The following LRRFIP2 variants were observed in gnomAD, a reference collection of about 807,000 sequenced individuals.
LRRFIP2 encodes leucine-rich repeat flightless-interacting protein 2.
In LRRFIP2, 109 loss-of-function variants were observed where a neutral mutation model predicts 125.9. The observed-to-expected ratio is 0.87, with a 90% CI of 0.74 to 1.01. The LOEUF (loss-of-function observed/expected upper bound fraction) is 1.01, where lower values mean the gene tolerates loss of function less well. Among genes scored for constraint, LRRFIP2 ranks in the 50% least tolerant of loss-of-function variants. The pLI, the probability that LRRFIP2 is intolerant of heterozygous loss-of-function variation, is 0.00. For missense variants in LRRFIP2, 850 were observed against 862.3 expected, an observed-to-expected ratio of 0.99 and a Z score of 0.18; for synonymous variants, 291 against 293.1, an observed-to-expected ratio of 0.99 and a Z score of 0.07.
intron 18 of LRRFIP2, 78 bp from the exon 19 acceptor site, chr3:37,083,884 C>T (rs892598712): frequency 2.3e-5 from 24 of 1,062,788 alleles, no homozygotes; most frequent in Admixed American, 5.7e-5. Flanking sequence ...AATTATAGCA[C>T]TGCCACAAAC....
Position 37,154,356 on chromosome 3 carries a change from GAAACCTTAAATA to G in LRRFIP2, c.-55-5330_-55-5319del, listed in dbSNP as rs2096122473. Among the ~76,000 whole-genome samples the G allele has an allele frequency of 2.0e-5, 3 of 152,266 alleles. No individual in the cohort carries two copies. The South Asian group carries it at 6.2e-4, about 32-fold the overall frequency. On this transcript the variant is annotated intron_variant, in intron 1 of 27. Coordinates refer to ENST00000336686, the MANE Select transcript of LRRFIP2 (RefSeq NM_006309.4). ...CAAAACTGAGAATGTAGACTCAAAG[GAAACCTTAAATA>G]ATTTTGTTTCTGATCCTAAAGGACT... is the stretch of plus-strand genomic sequence containing the variant.
intron 4 of LRRFIP2, 49 bp downstream of exon 4, chr3:37,127,581 T>C: frequency 6.3e-7 from 1 of 1,580,494 alleles, no homozygotes; most frequent in Non-Finnish European, 8.7e-7. Flanking sequence ...CAAGACTGCA[T>C]TATTTCAGCA....
intron 2 of LRRFIP2, among the ~76,000 whole-genome samples, chr3:37,130,985 G>A (rs910922388): frequency 5.9e-5 from 9 of 152,146 alleles, no homozygotes; most frequent in African/African-American, 1.9e-4. Context: ...CACCTCAAAC[G>A]GCAAAAGTTA....
rs145137143 is a variant in LRRFIP2, at chr3:37,136,057, C to T, written c.91-6908G>A. ...ACCCAAATATCCATCAACTGATGAA[C>T]GAATAAACCAGCGAGATTATCCATA... On this transcript the variant is annotated intron_variant, in intron 2 of 27. Transcript: ENST00000336686. Among the ~76,000 whole-genome samples, 6 of 152,208 alleles carry T rather than the reference C, an allele frequency of 3.9e-5. No individual in the cohort carries two copies. In the East Asian group the frequency reaches 9.6e-4, roughly 24 times the overall value.
intron 15 of LRRFIP2, among the ~76,000 whole-genome samples, chr3:37,098,970 T>A (rs1266922654): frequency 6.6e-6 from 1 of 152,168 alleles, no homozygotes; most frequent in Non-Finnish European, 1.5e-5. Flanking sequence ...ACCTCCAAAA[T>A]CATCCAGTTT....
chr3:37,126,032 T>TTG (rs2095260677), intron 4 of LRRFIP2, among the ~76,000 whole-genome samples: 1 of 128,042 alleles, frequency 7.8e-6, no homozygotes, highest in African/African-American at 2.8e-5. Context: ...GTTGTTGTTG[T>TTG]TTGTTTGTTT....
At chr3:37,096,549 A>G in intron 16 of LRRFIP2, 67 bp downstream of exon 16, 1 of 969,036 alleles carries the variant, frequency 1.0e-6, no homozygotes, top group Admixed American at 2.1e-5. Context: ...AAAATAAATA[A>G]TGAACAAGTT....
chr3:37,113,051 T>C, intron 7 of LRRFIP2, 71 bp from the exon 8 acceptor site: 1 of 830,596 alleles, frequency 1.2e-6, no homozygotes, highest in Non-Finnish European at 2.0e-6. Context: ...AAATTCATCT[T>C]CAAATTATAT....
intron 6 of LRRFIP2, among the ~76,000 whole-genome samples, chr3:37,116,678 T>C (rs1016326683): frequency 6.6e-6 from 1 of 152,142 alleles, no homozygotes; most frequent in Admixed American, 6.6e-5. Flanking sequence ...AATCAAAGTA[T>C]ATAATCTAGT....
chr3:37,137,528 T>C (rs912595813), intron 2 of LRRFIP2, among the ~76,000 whole-genome samples: 1 of 152,200 alleles, frequency 6.6e-6, no homozygotes, highest in Non-Finnish European at 1.5e-5. Flanking sequence ...GATTCTCTCT[T>C]TTCTATGAAA....
At chr3:37,099,215 G>T (rs890953810) in intron 15 of LRRFIP2, among the ~76,000 whole-genome samples, 19 of 152,034 alleles carry the variant, frequency 1.2e-4, no homozygotes, top group African/African-American at 4.1e-4. Flanking sequence ...TCACTTCTTA[G>T]ACTTGTACTA....
chr3:37,075,097 T>C lies in LRRFIP2; in HGVS notation c.1298A>G (p.His433Arg). The C allele has an allele frequency of 6.2e-7, 1 of 1,611,532 alleles. No homozygotes were observed. The highest frequency in any genetic ancestry group is 1.1e-5 in the South Asian group (1 of 91,062). ...CTTATGCTGCAGCACACTACACATATGTTTCTGCCTTTCTAACTCCTGTTA... is the reference window on the plus strand; with the variant it reads ...CTTATGCTGCAGCACACTACACATACGTTTCTGCCTTTCTAACTCCTGTTA... Reference protein sequence around the residue: ...EKSKELERQKHMCSVLQHKME... With the variant: ...EKSKELERQKRMCSVLQHKME... Residue 433 changes from histidine (H) to arginine (R), a missense_variant, in exon 20 of 28, where the codon CAT (histidine) becomes CGT (arginine). By Grantham distance (29) the His-to-Arg change is conservative. Coordinates refer to ENST00000336686, the MANE Select transcript of LRRFIP2 (RefSeq NM_006309.4).
At chr3:37,149,449 G>T (rs569444022) in intron 1 of LRRFIP2, among the ~76,000 whole-genome samples, 2 of 151,984 alleles carry the variant, frequency 1.3e-5, no homozygotes, top group African/African-American at 4.8e-5. Flanking sequence ...CCTAGGAGGC[G>T]GAGGTTGTAG....
intron 6 of LRRFIP2, 77 bp downstream of exon 6, chr3:37,121,415 T>C: frequency 7.5e-7 from 1 of 1,338,766 alleles, no homozygotes; most frequent in Non-Finnish European, 1.1e-6. Flanking sequence ...AGGAACATTG[T>C]CAGATTGTTT....
intron 2 of LRRFIP2, among the ~76,000 whole-genome samples, chr3:37,144,587 A>G (rs983050829): frequency 1.3e-5 from 2 of 152,204 alleles, no homozygotes. Context: ...AACAAAACAA[A>G]ACAAAATACT....
At chr3:37,152,147 AAAT>A (rs2096050536) in intron 1 of LRRFIP2, among the ~76,000 whole-genome samples, 1 of 152,252 alleles carries the variant, frequency 6.6e-6, no homozygotes, top group African/African-American at 2.4e-5. Context: ...AAAATGAATG[AAAT>A]AATGTCTCTT....
Position 37,108,114 on chromosome 3 carries a change from A to G in LRRFIP2, c.673T>C (p.Tyr225His), listed in dbSNP as rs1177796869. Residue 225 changes from tyrosine to histidine, a missense_variant, in exon 13 of 28, where the codon TAT (tyrosine) becomes CAT (histidine). Tyr to His is a moderately conservative substitution (Grantham distance 83). Coordinates refer to ENST00000336686, the MANE Select transcript of LRRFIP2 (RefSeq NM_006309.4). ...YGPRTPSECS[Y>H]YSSRISSARS... ...GCTGAACTTATTCTTGATGAATAAT[A>G]ACTGCATTCAGATGGCTATAAAGTT... The G allele has an allele frequency of 6.2e-7, 1 of 1,613,588 alleles. No individual in the cohort carries two copies. The highest frequency in any genetic ancestry group is 2.2e-5 in the East Asian group (1 of 44,846).
chr3:37,105,850 A>G (rs1354473453), intron 13 of LRRFIP2, among the ~76,000 whole-genome samples: 3 of 152,216 alleles, frequency 2.0e-5, no homozygotes, highest in Non-Finnish European at 2.9e-5. Flanking sequence ...GGATTGCTTG[A>G]GGTCAGGAGT....
intron 1 of LRRFIP2, among the ~76,000 whole-genome samples, chr3:37,154,430 C>A (rs4678942): frequency 0.45 from 67,833 of 152,038 alleles, 15,823 homozygotes; most frequent in Non-Finnish European, 0.49. Context: ...CCTCAAGAAC[C>A]CTTTTCTTCA....
Sources: allele counts gnomAD v4.1 joint callset (sites outside exome capture counted in the v4.1 genomes callset), GRCh38; gene constraint gnomAD v4.1.1; transcripts MANE v1.5; gene names NCBI Gene and HGNC (gene_info 2026-07-23, HGNC 2026-07-21).